ACSL1: variants seen among roughly 807,000 people sequenced by gnomAD.
ACSL1 encodes acyl-CoA synthetase long chain family member 1.
Under a neutral mutation model 98.4 loss-of-function variants are expected in ACSL1, and 41 were observed. The ratio of observed to expected loss-of-function variants is 0.42; its 90% CI spans 0.32 to 0.54. ACSL1 has a LOEUF of 0.54. Ranked by LOEUF, ACSL1 falls within the 20% of genes least tolerant of loss-of-function variation. The pLI is 0.13. For synonymous variants in ACSL1, 316 were observed against 322.7 expected, an observed-to-expected ratio of 0.98 and a Z score of 0.22; for missense variants, 734 against 883.1, an observed-to-expected ratio of 0.83 and a Z score of 2.14.
At chr4:184,814,962 C>T in intron 1 of ACSL1, 1 of 454,658 alleles carries the variant, frequency 2.2e-6, no homozygotes. Context: ...CTCCTTAGTT[C>T]CTGACAATCA....
At chr4:184,762,018 T>C (rs569053337) in intron 17 of ACSL1, among the ~76,000 whole-genome samples, 14 of 151,470 alleles carry the variant, frequency 9.2e-5, no homozygotes, top group African/African-American at 3.2e-4. Context: ...TCCTAGATAC[T>C]TGGGAGGCTG....
At chr4:184,816,042 C>T (rs189082702) in intron 1 of ACSL1, among the ~76,000 whole-genome samples, 1 of 152,058 alleles carries the variant, frequency 6.6e-6, no homozygotes, top group African/African-American at 2.4e-5. Context: ...GTCGATTGAA[C>T]CTGTGGGGGG....
rs899876175 is a variant in ACSL1 at position 184,817,624 on chromosome 4, C to T, written c.-33+8292G>A. Among the ~76,000 whole-genome samples the T allele has an allele frequency of 3.4e-4, 52 of 152,214 alleles. 1 individual carries two copies. The highest frequency in any genetic ancestry group is 3.4e-3 in the Middle Eastern group (1 of 294). On this transcript the variant is annotated intron_variant, in intron 1 of 20. Coordinates refer to ENST00000281455, the MANE Select transcript of ACSL1 (RefSeq NM_001995.5). ...CTGCTAATGGAGGCACCCTGAAATG[C>T]GTGCCACACCTGGGAGGCAGAGGGA...
chr4:184,782,489 C>G (rs1437269395), intron 4 of ACSL1, among the ~76,000 whole-genome samples: 1 of 152,136 alleles, frequency 6.6e-6, no homozygotes, highest in African/African-American at 2.4e-5. Context: ...ATGGACGTGT[C>G]TTCTCTCTTC....
At chr4:184,763,359 G>T (rs923344813) in intron 15 of ACSL1, 104 bp from the exon 16 acceptor site, 3 of 1,042,132 alleles carry the variant, frequency 2.9e-6, no homozygotes, top group Non-Finnish European at 2.8e-6. Context: ...AAAACGGCTG[G>T]GATAAACTTC....
chr4:184,771,471 A>C (rs1459736097), intron 10 of ACSL1, among the ~76,000 whole-genome samples: 1 of 152,178 alleles, frequency 6.6e-6, no homozygotes, highest in African/African-American at 2.4e-5. Context: ...TTTACATATC[A>C]CAATTTGTTT....
At position 184,757,131 on chromosome 4, in the gene ACSL1, C is replaced by G. The variant is rs752713642; in HGVS notation, c.2091G>C (p.Lys697Asn). 6.3e-7 allele frequency: 1 copy of G among 1,586,520 alleles called. No individual in the cohort carries two copies. Among genetic ancestry groups the G allele is most frequent in the South Asian group, 1.1e-5 (1 of 89,754 alleles). ...CTGAGCTTTCTTCTTCACACTAAAC[C>G]TTGATAGTGGAATAGAGGTCATCTA... ...SQIDDLYSTI[K>N]V The change falls in exon 21 of 21, where the codon AAG becomes AAC. Residue 697 changes from lysine (K) to asparagine (N), a missense_variant. Transcript: ENST00000281455. This position sits in a 1 kb window ranked among gnomAD's most constrained non-coding sequence, Gnocchi z 4.5.
At chr4:184,777,730 A>G (rs1218614183) in intron 5 of ACSL1, among the ~76,000 whole-genome samples, 2 of 152,168 alleles carry the variant, frequency 1.3e-5, no homozygotes, top group African/African-American at 4.8e-5. Context: ...CAAGGTAGCT[A>G]CAGATGCTAC....
chr4:184,796,863 C>T (rs1366730203), intron 2 of ACSL1, among the ~76,000 whole-genome samples: 1 of 152,212 alleles, frequency 6.6e-6, no homozygotes, highest in African/African-American at 2.4e-5. Context: ...GCAGAAACAA[C>T]CAGATGCTAC....
chr4:184,759,084 T>C (rs551236376), intron 18 of ACSL1, among the ~76,000 whole-genome samples: 4 of 152,272 alleles, frequency 2.6e-5, no homozygotes, highest in South Asian at 4.1e-4. Context: ...GAACTCATCA[T>C]TTTTTATGGC....
rs1378242381 is a variant in ACSL1 at position 184,760,369 on chromosome 4, T to C, written c.1770A>G (p.Gly590=). The C allele has an allele frequency of 1.9e-6, 3 of 1,614,050 alleles. No individual in the cohort carries two copies. Among genetic ancestry groups the C allele is most frequent in the Non-Finnish European group, 2.5e-6 (3 of 1,180,012 alleles). Residue 590 remains glycine (G), a synonymous_variant, in exon 18 of 21, where the codon GGA becomes GGG. Coordinates refer to ENST00000281455, the MANE Select transcript of ACSL1 (RefSeq NM_001995.5). ...SEPVAQVFVH[G]ESLQAFLIAI... is the part of the protein sequence containing the mutation. ...AGAAAGCACATACCTGCAGGCTTTC[T>C]CCGTGGACAAACACCTGAGCAACAG...
chr4:184,825,693 G>A lies in ACSL1; in HGVS notation c.-33+223C>T, dbSNP rs1434375939. ...CGCGACTCAGACACAGGAAGCTGCGGCAGCACGGGCACCCCGGAGGCCTCC... is the reference window on the plus strand; with the variant it reads ...CGCGACTCAGACACAGGAAGCTGCGACAGCACGGGCACCCCGGAGGCCTCC... On this transcript the variant is annotated intron_variant, in intron 1 of 20. Transcript: ENST00000281455. This position sits in a 1 kb window ranked among gnomAD's most constrained non-coding sequence, Gnocchi z 4.7. Among the ~76,000 whole-genome samples the A allele has an allele frequency of 2.7e-5, 4 of 149,920 alleles. No homozygotes were observed. Among genetic ancestry groups the A allele is most frequent in the Admixed American group, 2.7e-4 (4 of 15,090 alleles).
At chr4:184,809,427 G>C (rs1771802158) in intron 1 of ACSL1, among the ~76,000 whole-genome samples, 1 of 152,186 alleles carries the variant, frequency 6.6e-6, no homozygotes, top group African/African-American at 2.4e-5. Context: ...AGCAGTTTCT[G>C]TATTCATTAA....
Position 184,795,765 on chromosome 4 carries a change from T to G in ACSL1, c.196-7034A>C, listed in dbSNP as rs1031932082. Among the ~76,000 whole-genome samples, 3 of 152,326 alleles carry G rather than the reference T, an allele frequency of 2.0e-5. No homozygotes were observed. The South Asian group carries it at 6.2e-4, about 32-fold the overall frequency. ...AAAGCAACTCAATTGTTTCCTGTAA[T>G]GTAGATTTGTAAGAAAATGTAATTT... On this transcript the variant is annotated intron_variant, in intron 2 of 20. Coordinates refer to ENST00000281455, the MANE Select transcript of ACSL1 (RefSeq NM_001995.5).
At chr4:184,787,609 A>C (rs1045510024) in intron 3 of ACSL1, among the ~76,000 whole-genome samples, 1 of 150,366 alleles carries the variant, frequency 6.7e-6, no homozygotes, top group Non-Finnish European at 1.5e-5. Flanking sequence ...CGCGCCTGTA[A>C]TTCCAGCACT....
Position 184,763,303 on chromosome 4 carries a change from A to C in ACSL1, c.1433-48T>G, listed in dbSNP as rs1055823993. ...GTCATTCCTAAGGGAACTACTCATA[A>C]CCTCAGGTCAAATTATTTTGATAGC... On this transcript the variant is annotated intron_variant, in intron 15 of 20. Coordinates refer to ENST00000281455, the MANE Select transcript of ACSL1 (RefSeq NM_001995.5). 5.2e-6 allele frequency: 8 copies of C among 1,539,766 alleles called. No homozygotes were observed. The African/African-American group carries it at 6.9e-5, about 13-fold the overall frequency.
Position 184,760,364 on chromosome 4 carries a change from C to A in ACSL1, c.1775G>T (p.Ser592Ile), listed in dbSNP as rs1561170485. ...PVAQVFVHGE[S>I]LQAFLIAIVV... ...GACCCAGAAAGCACATACCTGCAGG[C>A]TTTCTCCGTGGACAAACACCTGAGC... is the stretch of plus-strand genomic sequence containing the variant. Residue 592 changes from serine to isoleucine, a missense_variant, in exon 18 of 21, where the codon AGC becomes ATC. By Grantham distance (142) the Ser-to-Ile change is moderately radical (BLOSUM62 -2). Coordinates refer to ENST00000281455, the MANE Select transcript of ACSL1 (RefSeq NM_001995.5). 1 of 1,614,108 alleles carries A rather than the reference C, an allele frequency of 6.2e-7. No individual in the cohort carries two copies. The highest frequency in any genetic ancestry group is 1.1e-5 in the South Asian group (1 of 91,076).
At chr4:184,811,370 C>T (rs183782117) in intron 1 of ACSL1, among the ~76,000 whole-genome samples, 6 of 152,054 alleles carry the variant, frequency 3.9e-5, no homozygotes, top group Non-Finnish European at 8.8e-5. Flanking sequence ...CCTTGGCCTC[C>T]CAAAGTGCTG....
At chr4:184,778,021 A>G (rs373058871) in intron 5 of ACSL1, among the ~76,000 whole-genome samples, 9 of 90,676 alleles carry the variant, frequency 9.9e-5, no homozygotes, top group African/African-American at 3.8e-4. Flanking sequence ...GTCTAGCAGC[A>G]AAACTGTTTT....
Sources: allele counts gnomAD v4.1 joint callset (sites outside exome capture counted in the v4.1 genomes callset), GRCh38; gene constraint gnomAD v4.1.1; non-coding constraint Gnocchi (gnomAD v3.1); transcripts MANE v1.5; gene names NCBI Gene and HGNC (gene_info 2026-07-23, HGNC 2026-07-21).